SH2B3: variants seen among roughly 807,000 people sequenced by gnomAD.
SH2B3 encodes SH2B adapter protein 3.
Under a neutral mutation model 51.9 loss-of-function variants are expected in SH2B3, and 43 were observed. That is an observed-to-expected ratio of 0.83 (90% CI 0.65 to 1.07). The LOEUF (loss-of-function observed/expected upper bound fraction) is 1.07, where lower values mean the gene tolerates loss of function less well. SH2B3 is among the 50% of genes least tolerant of loss of function. SH2B3 has a pLI of 0.00. For missense variants in SH2B3, 952 were observed against 834.3 expected (o/e 1.14, Z -1.74); for synonymous variants, 396 against 376.0 (o/e 1.05, Z -0.62).
At position 111,448,240 on chromosome 12, in the gene SH2B3, G is replaced by A. The variant is rs769682050; in HGVS notation, c.1666G>A (p.Glu556Lys). The change falls in exon 8 of 8, where the codon GAA becomes AAA. Residue 556 changes from glutamate (E) to lysine (K), a missense_variant. Transcript: ENST00000341259. ...GAATCGAGCCCGGGACTCGGACTAC[G>A]AAATGGACTCATCCTCCCGGAGCCA... ...PVNRARDSDYEMDSSSRSHLR... is the reference protein window; with the variant it reads ...PVNRARDSDYKMDSSSRSHLR... 7.4e-6 allele frequency: 12 copies of A among 1,614,134 alleles called. No individual in the cohort carries two copies. The highest frequency in any genetic ancestry group is 2.2e-5 in the South Asian group (2 of 91,082).
rs74163669 is a variant in SH2B3, at chr12:111,448,000, C to A, written c.1426C>A (p.Leu476Ile). Reference protein sequence around the residue: ...SQPPGSCNTVLFPFSLPHWDS... With the variant: ...SQPPGSCNTVIFPFSLPHWDS... The stretch of plus-strand genomic sequence containing the variant: ...TGTCCTAGGTTCCTGCAACACGGTC[C>A]TCTTCCCTTTCTCCCTTCCTCACTG... The change falls in exon 8 of 8, where the codon CTC becomes ATC. Residue 476 changes from leucine to isoleucine, a missense_variant. Coordinates refer to ENST00000341259, the MANE Select transcript of SH2B3 (RefSeq NM_005475.3). 6.8e-6 allele frequency: 11 copies of A among 1,611,190 alleles called. No individual in the cohort carries two copies. Among genetic ancestry groups the A allele is most frequent in the Non-Finnish European group, 9.3e-6 (11 of 1,178,210 alleles).
intron 1 of SH2B3, among the ~76,000 whole-genome samples, chr12:111,413,189 G>T (rs1870832508): frequency 6.6e-6 from 1 of 152,136 alleles, no homozygotes; most frequent in Non-Finnish European, 1.5e-5. Flanking sequence ...CTACCTCCTA[G>T]GGCTGTTAGG....
chr12:111,416,660 A>G (rs760023144), intron 1 of SH2B3, among the ~76,000 whole-genome samples: 1 of 151,848 alleles, frequency 6.6e-6, no homozygotes, highest in Non-Finnish European at 1.5e-5. Context: ...CAGCCGGCTA[A>G]TTTTTGTATT....
Position 111,407,574 on chromosome 12 carries a change from C to G in SH2B3, c.-28+1297C>G, listed in dbSNP as rs1001762408. On this transcript the variant is annotated intron_variant, in intron 1 of 7. Coordinates refer to ENST00000341259, the MANE Select transcript of SH2B3 (RefSeq NM_005475.3). The surrounding 1 kb of genome is among the most constrained non-coding windows in gnomAD (Gnocchi z 4.3). Reference sequence around the variant, plus strand: ...TGGAGGGAGAGCCGTCAGAGGCCACCTGGGCAGGCTGGGCTCGGAGGATGA... The same window carrying G: ...TGGAGGGAGAGCCGTCAGAGGCCACGTGGGCAGGCTGGGCTCGGAGGATGA... 6.6e-6 allele frequency among the ~76,000 whole-genome samples: 1 copy of G among 152,108 alleles called. No homozygotes were observed. Among genetic ancestry groups the G allele is most frequent in the African/African-American group, 2.4e-5 (1 of 41,418 alleles).
chr12:111,444,653 AGCCCC>A (rs1171156193), intron 2 of SH2B3: 1 of 778,500 alleles, frequency 1.3e-6, no homozygotes, highest in Non-Finnish European at 1.6e-6. Context: ...CTGCTGACAC[AGCCCC>A]CAGGTTTGAG....
In SH2B3 at chr12:111,447,823, A is replaced by C. The variant is rs1874183392; in HGVS notation, c.1404A>C (p.Pro468=). ...GCTACGTGGTAGTCGTCTCCCAACCACCAGGTCTGACCCTACTGCCCTTTG... is the reference window on the plus strand; with the variant it reads ...GCTACGTGGTAGTCGTCTCCCAACCCCCAGGTCTGACCCTACTGCCCTTTG... ...LSSYVVVVSQ[P]PGSCNTVLFP... is the part of the protein sequence containing the mutation. Residue 468 remains proline, a synonymous_variant, in exon 7 of 8, where the codon CCA becomes CCC. Transcript: ENST00000341259. 1.9e-6 allele frequency: 3 copies of C among 1,612,792 alleles called. No individual in the cohort carries two copies. The highest frequency in any genetic ancestry group is 1.3e-5 in the African/African-American group (1 of 74,838).
rs1025700429 is a variant in SH2B3, at chr12:111,410,338, A to C, written c.-28+4061A>C. ...CGAGAGGCGAGGTAATTGAGGGCTT[A>C]CGCATGTCCCTCCTGATGTCCCCAA... On this transcript the variant is annotated intron_variant, in intron 1 of 7. Coordinates refer to ENST00000341259, the MANE Select transcript of SH2B3 (RefSeq NM_005475.3). This position sits in a 1 kb window ranked among gnomAD's most constrained non-coding sequence, Gnocchi z 4.9. Among the ~76,000 whole-genome samples the C allele has an allele frequency of 6.6e-6, 1 of 152,180 alleles. No individual in the cohort carries two copies. Among genetic ancestry groups the C allele is most frequent in the Admixed American group, 6.5e-5 (1 of 15,282 alleles).
At chr12:111,444,649 A>G (rs1434926889) in intron 2 of SH2B3, 1 of 745,156 alleles carries the variant, frequency 1.3e-6, no homozygotes, top group Non-Finnish European at 1.6e-6. Flanking sequence ...ACAGCTGCTG[A>G]CACAGCCCCC....
intron 2 of SH2B3, among the ~76,000 whole-genome samples, chr12:111,442,056 C>T (rs1364086284): frequency 6.6e-6 from 1 of 152,074 alleles, no homozygotes; most frequent in Admixed American, 6.5e-5. Flanking sequence ...CTCAGCTTCC[C>T]AAGTAGGTTA....
Position 111,449,947 on chromosome 12 carries a change from A to AGAT in SH2B3, c.*1647_*1649dup, listed in dbSNP as rs1874429244. The AGAT allele has an allele frequency of 7.1e-6, 1 of 141,724 alleles. No homozygotes were observed. The highest frequency in any genetic ancestry group is 2.6e-5 in the African/African-American group (1 of 37,788). 8.8% of individuals were successfully genotyped at this position (141,724 alleles called of 1,614,324 possible). ...TGCACTTTTCTTTTTTTTTTTTTTG[A>AGAT]GATGGAGTTTCTCTTGTCAACCGGG... On this transcript the variant is annotated 3_prime_UTR_variant, in exon 8 of 8. Transcript: ENST00000341259.
rs779704563 is a variant in SH2B3 at position 111,448,028 on chromosome 12, ATTCAGAGTCCCTTCCTCACTGGGG to A, written c.1463_1486del (p.Ser488_Glu495del). 6.2e-6 allele frequency: 10 copies of A among 1,610,780 alleles called. No individual in the cohort carries two copies. Among genetic ancestry groups the A allele is most frequent in the South Asian group, 1.1e-5 (1 of 90,594 alleles). On this transcript the variant is annotated inframe_deletion, in exon 8 of 8. Coordinates refer to ENST00000341259, the MANE Select transcript of SH2B3 (RefSeq NM_005475.3). ...TTCCCTTTCTCCCTTCCTCACTGGG[ATTCAGAGTCCCTTCCTCACTGGGG>A]TTCAGAGTTGGGCCTTCCCCACCTT...
At chr12:111,437,468 C>T (rs997256762) in intron 2 of SH2B3, among the ~76,000 whole-genome samples, 1 of 152,204 alleles carries the variant, frequency 6.6e-6, no homozygotes, top group African/African-American at 2.4e-5. Context: ...CTAGGAGCCG[C>T]TGCCCTGTGG....
chr12:111,427,769 A>G, intron 2 of SH2B3, among the ~76,000 whole-genome samples: 1 of 152,234 alleles, frequency 6.6e-6, no homozygotes, highest in Non-Finnish European at 1.5e-5. Context: ...GACATGATGG[A>G]GTTCTAGCTG....
chr12:111,441,236 CAT>C (rs1873380630), intron 2 of SH2B3, among the ~76,000 whole-genome samples: 1 of 151,780 alleles, frequency 6.6e-6, no homozygotes, highest in African/African-American at 2.4e-5. Flanking sequence ...TAATCAGCCA[CAT>C]GTGGTGGCAT....
Position 111,409,959 on chromosome 12 carries a change from G to A in SH2B3, c.-28+3682G>A, listed in dbSNP as rs1010459879. ...TTAGATAGAAGATTTTTCCTCCCAC[G>A]CCACCCTGTCAGGGGTCGGCCAGCA... On this transcript the variant is annotated intron_variant, in intron 1 of 7. Coordinates refer to ENST00000341259, the MANE Select transcript of SH2B3 (RefSeq NM_005475.3). This position sits in a 1 kb window ranked among gnomAD's most constrained non-coding sequence, Gnocchi z 4.0. Among the ~76,000 whole-genome samples the A allele has an allele frequency of 2.0e-5, 3 of 152,178 alleles. No homozygotes were observed. The highest frequency in any genetic ancestry group is 2.9e-5 in the Non-Finnish European group (2 of 68,014).
intron 1 of SH2B3, among the ~76,000 whole-genome samples, chr12:111,411,949 G>C (rs1031562774): frequency 6.6e-6 from 1 of 152,120 alleles, no homozygotes; most frequent in Non-Finnish European, 1.5e-5. Context: ...AGGTGAGGGG[G>C]GTCTCCTGGG....
At position 111,447,556 on chromosome 12, in the gene SH2B3, G is replaced by A. The variant is rs1343219539; in HGVS notation, c.1236+12G>A. On this transcript the variant is annotated intron_variant, in intron 6 of 7. Coordinates refer to ENST00000341259, the MANE Select transcript of SH2B3 (RefSeq NM_005475.3). ...AGGGGATAGCCAAGGTATGGGGTGG[G>A]GTGGGGTGGGGTGGGGCAGGCAGGA... The A allele has an allele frequency of 1.3e-6, 2 of 1,554,212 alleles. No homozygotes were observed. Among genetic ancestry groups the A allele is most frequent in the Admixed American group, 1.7e-5 (1 of 58,064 alleles).
At chr12:111,427,433 G>A (rs1007839934) in intron 2 of SH2B3, among the ~76,000 whole-genome samples, 10 of 151,382 alleles carry the variant, frequency 6.6e-5, no homozygotes, top group Admixed American at 2.6e-4. Flanking sequence ...AGGATCTGGC[G>A]GTGCCAGGCC....
chr12:111,442,170 G>T (rs568609128), intron 2 of SH2B3, among the ~76,000 whole-genome samples: 6 of 152,272 alleles, frequency 3.9e-5, no homozygotes, highest in Non-Finnish European at 7.4e-5. Flanking sequence ...TGGGGTGAGG[G>T]ATCAGCCATC....
Sources: allele counts gnomAD v4.1 joint callset (sites outside exome capture counted in the v4.1 genomes callset), GRCh38; gene constraint gnomAD v4.1.1; non-coding constraint Gnocchi (gnomAD v3.1); transcripts MANE v1.5; gene names NCBI Gene and HGNC (gene_info 2026-07-23, HGNC 2026-07-21).